The following CFAP57 variants were observed in gnomAD, a reference collection of about 807,000 sequenced individuals.
CFAP57 encodes cilia- and flagella-associated protein 57.
CFAP57 carries 116 observed loss-of-function variants against 146.8 expected under a neutral mutation model. That is an observed-to-expected ratio of 0.79 (90% CI 0.68 to 0.92). The LOEUF is 0.92. Ranked by LOEUF, CFAP57 falls within the 40% of genes least tolerant of loss-of-function variation. The pLI is 0.00. For missense variants in CFAP57, 1,377 were observed against 1,527.2 expected, an observed-to-expected ratio of 0.90 and a Z score of 1.64; for synonymous variants, 518 against 552.8, an observed-to-expected ratio of 0.94 and a Z score of 0.88.
intron 2 of CFAP57, among the ~76,000 whole-genome samples, chr1:43,174,051 A>G (rs916221366): frequency 2.6e-5 from 4 of 152,204 alleles, no homozygotes; most frequent in Non-Finnish European, 4.4e-5. Context: ...ATTTAGTCGT[A>G]TGTTAAATGC....
At chr1:43,174,644 C>T (rs1012441530) in intron 2 of CFAP57, among the ~76,000 whole-genome samples, 5 of 152,058 alleles carry the variant, frequency 3.3e-5, no homozygotes, top group African/African-American at 1.2e-4. Context: ...AGTGAAACCC[C>T]GTCTCTACTA....
chr1:43,217,307 G>C lies in CFAP57; in HGVS notation c.2091+1891G>C, dbSNP rs1373803351. On this transcript the variant is annotated intron_variant, in intron 12 of 22. Coordinates refer to ENST00000372492, the MANE Select transcript of CFAP57 (RefSeq NM_001378189.1). ...CTTAACATGATTCGCATCTCGGAGA[G>C]AATAATCTGCAGCAATGTGAAGAAT... Among the ~76,000 whole-genome samples, 3 of 152,168 alleles carry C rather than the reference G, an allele frequency of 2.0e-5. No homozygotes were observed. The East Asian group carries it at 5.8e-4, about 29-fold the overall frequency.
chr1:43,210,685 T>C (rs1225250308), intron 11 of CFAP57: 1 of 156,310 alleles, frequency 6.4e-6, no homozygotes, highest in African/African-American at 2.4e-5. Flanking sequence ...TGAGGAATGA[T>C]TGTTTCATAG....
intron 6 of CFAP57, chr1:43,196,628 C>A (rs72678392): frequency 0.012 from 1,864 of 152,372 alleles, 14 homozygotes; most frequent in Non-Finnish European, 0.02. Flanking sequence ...ATGTACATCT[C>A]ATTAAATTTC....
chr1:43,227,847 TCA>T (rs1645312942), intron 18 of CFAP57, among the ~76,000 whole-genome samples: 2 of 152,204 alleles, frequency 1.3e-5, no homozygotes, highest in Non-Finnish European at 2.9e-5. Context: ...TTTCCCTCTC[TCA>T]GTTAGTGGTC....
chr1:43,248,556 G>A (rs1285472815), intron 22 of CFAP57, among the ~76,000 whole-genome samples: 4 of 151,410 alleles, frequency 2.6e-5, no homozygotes, highest in South Asian at 2.1e-4. Flanking sequence ...TCCTGACTTC[G>A]TAATCTGCCT....
At position 43,215,393 on chromosome 1, in the gene CFAP57, AC is replaced by A. The variant is rs1644795246; in HGVS notation, c.2069del (p.Thr690IlefsTer15). The A allele has an allele frequency of 2.6e-6, 4 of 1,550,808 alleles. No individual in the cohort carries two copies. The highest frequency in any genetic ancestry group is 2.6e-6 in the Non-Finnish European group (3 of 1,147,004). ...GGGCTTTGCCGAAGAGGTGCTTGTG[AC>A]TAAAACAGACATGGAAGAAAAGGTA... The part of the protein sequence containing the change: ...EVGFAEEVLV[T>X]KTDMEEKAQV... On this transcript the variant is annotated frameshift_variant, in exon 12 of 23. Transcript: ENST00000372492. LOFTEE classifies it high-confidence loss of function.
intron 12 of CFAP57, among the ~76,000 whole-genome samples, chr1:43,218,648 G>C (rs189508925): frequency 1.6e-4 from 24 of 152,018 alleles, no homozygotes; most frequent in South Asian, 1.5e-3. Context: ...AAGATACTAG[G>C]CATAAAAACC....
chr1:43,184,057 T>C (rs1042163765), intron 4 of CFAP57, among the ~76,000 whole-genome samples, 180 bp downstream of exon 4: 2 of 152,354 alleles, frequency 1.3e-5, no homozygotes, highest in East Asian at 3.9e-4. Flanking sequence ...GTTATAACCA[T>C]AGACTAAATA....
chr1:43,232,788 A>G (rs1296539948), intron 19 of CFAP57, among the ~76,000 whole-genome samples, 164 bp downstream of exon 19: 1 of 152,232 alleles, frequency 6.6e-6, no homozygotes, highest in Middle Eastern at 3.2e-3. Flanking sequence ...TTTCAGGCCC[A>G]TGTAGATTTA....
chr1:43,221,873 C>G (rs1020656976), intron 14 of CFAP57, among the ~76,000 whole-genome samples: 2 of 152,188 alleles, frequency 1.3e-5, no homozygotes, highest in Non-Finnish European at 2.9e-5. Flanking sequence ...CCACTCTGTG[C>G]TTTCCTGGAA....
intron 2 of CFAP57, 48 bp from the exon 3 acceptor site, chr1:43,181,486 G>A: frequency 6.2e-7 from 1 of 1,608,590 alleles, no homozygotes. Context: ...TTGAACCCTG[G>A]TGAAAGTGTG....
intron 5 of CFAP57, 63 bp downstream of exon 5, chr1:43,185,419 C>T: frequency 6.7e-7 from 1 of 1,497,766 alleles, no homozygotes; most frequent in Non-Finnish European, 9.2e-7. Context: ...TCCCCAGCAG[C>T]AGTTCTCTGA....
intron 5 of CFAP57, 42 bp downstream of exon 5, chr1:43,185,398 T>C (rs1175511774): frequency 6.3e-7 from 1 of 1,576,376 alleles, no homozygotes; most frequent in East Asian, 2.2e-5. Context: ...GGGGGTCCTA[T>C]TGGCATTTGT....
chr1:43,230,423 C>A (rs1042704298), intron 18 of CFAP57, among the ~76,000 whole-genome samples: 3 of 152,188 alleles, frequency 2.0e-5, no homozygotes, highest in Non-Finnish European at 2.9e-5. Flanking sequence ...TCATTCCACT[C>A]CTGGTCTAAG....
In CFAP57 at chr1:43,192,107, G is replaced by T. The variant is rs1054833422; in HGVS notation, c.1122+5248G>T. ...ACACTGTGCTTAGAGAATATATTTT[G>T]TATTATTTCTATTCTTTTAAATTTA... On this transcript the variant is annotated intron_variant, in intron 6 of 22. Transcript: ENST00000372492. 8.6e-5 allele frequency among the ~76,000 whole-genome samples: 13 copies of T among 151,986 alleles called. 1 individual carries two copies. The highest frequency in any genetic ancestry group is 7.2e-4 in the Admixed American group (11 of 15,252).
intron 5 of CFAP57, among the ~76,000 whole-genome samples, chr1:43,186,094 T>C (rs1643062852): frequency 6.7e-6 from 1 of 149,272 alleles, no homozygotes; most frequent in Non-Finnish European, 1.5e-5. Flanking sequence ...AAAAAAAAAT[T>C]AGCCAGATGT....
At position 43,197,393 on chromosome 1, in the gene CFAP57, T is replaced by C. The variant is rs542236995; in HGVS notation, c.1123-160T>C. Among the ~76,000 whole-genome samples the C allele has an allele frequency of 2.6e-5, 4 of 152,174 alleles. No individual in the cohort carries two copies. The South Asian group carries it at 6.2e-4, about 24-fold the overall frequency. ...AAAATAAAATAAAAAATAATAATAA[T>C]ATTGGCTCAGGAAAATATGCATAAT... is the stretch of plus-strand genomic sequence containing the variant. On this transcript the variant is annotated intron_variant, in intron 6 of 22. Coordinates refer to ENST00000372492, the MANE Select transcript of CFAP57 (RefSeq NM_001378189.1).
In CFAP57 at chr1:43,234,429, C is replaced by T. The variant is rs1223073027; in HGVS notation, c.3261+16C>T. On this transcript the variant is annotated intron_variant, in intron 20 of 22. Transcript: ENST00000372492. ...AGCAGACATGGTAAGCTCAGCCTCC[C>T]CTCCTGCCATGCACTGACCTCCGGG... 1 of 1,545,194 alleles carries T rather than the reference C, an allele frequency of 6.5e-7. No homozygotes were observed. The highest frequency in any genetic ancestry group is 2.0e-5 in the Admixed American group (1 of 50,476).
Sources: allele counts gnomAD v4.1 joint callset (sites outside exome capture counted in the v4.1 genomes callset), GRCh38; gene constraint gnomAD v4.1.1; transcripts MANE v1.5; gene names NCBI Gene and HGNC (gene_info 2026-07-23, HGNC 2026-07-21).